Variants in MAP3K11 observed in about 807,000 individuals in gnomAD.
MAP3K11 encodes mitogen-activated protein kinase kinase kinase 11, also known as SH3 domain-containing proline-rich kinase.
In MAP3K11, 46 loss-of-function variants were observed where a neutral mutation model predicts 84.9. The observed-to-expected ratio is 0.54, with a 90% CI of 0.43 to 0.69. The LOEUF (loss-of-function observed/expected upper bound fraction) is 0.69. Ranked by LOEUF, MAP3K11 falls within the 30% of genes least tolerant of loss-of-function variation. The pLI is 0.00. For synonymous variants in MAP3K11, 527 were observed against 514.7 expected, an observed-to-expected ratio of 1.02 and a Z score of -0.32; for missense variants, 1,053 against 1,198.3, an observed-to-expected ratio of 0.88 and a Z score of 1.79.
At chr11:65,602,027 C>G (rs924585905) in intron 8 of MAP3K11, among the ~76,000 whole-genome samples, 3 of 150,764 alleles carry the variant, frequency 2.0e-5, no homozygotes, top group Non-Finnish European at 4.4e-5. Context: ...CATGGTGAAA[C>G]CCTGTCTCTA....
intron 1 of MAP3K11, 80 bp downstream of exon 1, chr11:65,612,938 C>T (rs928011549): frequency 6.8e-7 from 1 of 1,470,316 alleles, no homozygotes; most frequent in African/African-American, 1.4e-5. Context: ...GCAGTAGACC[C>T]TAAGCTAGGC....
chr11:65,607,161 G>A, intron 5 of MAP3K11, 109 bp downstream of exon 5: 1 of 1,337,894 alleles, frequency 7.5e-7, no homozygotes, highest in South Asian at 1.6e-5. Context: ...CATCTCACGG[G>A]CCCACCCACA....
intron 1 of MAP3K11, chr11:65,608,774 G>A (rs1191148735): frequency 3.8e-5 from 9 of 237,346 alleles, no homozygotes; most frequent in African/African-American, 1.6e-4. Flanking sequence ...GTGCCACCAC[G>A]CCCGACTAAT....
intron 8 of MAP3K11, among the ~76,000 whole-genome samples, chr11:65,601,543 T>A (rs1191587991): frequency 1.3e-5 from 2 of 151,596 alleles, no homozygotes; most frequent in African/African-American, 4.9e-5. Context: ...GATCACGAGG[T>A]CAGGAGATCG....
At chr11:65,601,573 G>A (rs537671689) in intron 8 of MAP3K11, among the ~76,000 whole-genome samples, 11 of 151,878 alleles carry the variant, frequency 7.2e-5, no homozygotes, top group African/African-American at 1.9e-4. Flanking sequence ...TGGCTAACAC[G>A]GTGAAACCCT....
chr11:65,607,248 C>G, intron 5 of MAP3K11, 22 bp downstream of exon 5: 1 of 1,464,888 alleles, frequency 6.8e-7, no homozygotes, highest in Non-Finnish European at 8.9e-7. Flanking sequence ...TGGCGGGGGA[C>G]GCCCCGGGGC....
intron 5 of MAP3K11, chr11:65,607,026 T>G: frequency 3.2e-6 from 2 of 628,728 alleles, no homozygotes; most frequent in Non-Finnish European, 5.1e-6. Context: ...CCCCGCCCAC[T>G]AGACCTTCCC....
chr11:65,607,507 G>T lies in MAP3K11; in HGVS notation c.1252C>A (p.Leu418Met). The change falls in exon 5 of 10, where the codon CTG (leucine) becomes ATG (methionine). Residue 418 changes from leucine (L) to methionine (M), a missense_variant. Leu to Met is a conservative substitution (Grantham distance 15). Transcript: ENST00000309100. ...DELRAKEKEL[L>M]SREEELTRAA... ...CGCGTCAGCTCCTCCTCGCGGCTCA[G>T]TAGTTCCTGCGCCCGAGACAGCGAT... 6.4e-7 allele frequency: 1 copy of T among 1,570,960 alleles called. No individual in the cohort carries two copies. Among genetic ancestry groups the T allele is most frequent in the South Asian group, 1.1e-5 (1 of 86,964 alleles).
At chr11:65,607,055 ACC>A (rs1854517439) in intron 5 of MAP3K11, 1 of 685,288 alleles carries the variant, frequency 1.5e-6, no homozygotes, top group African/African-American at 2.0e-5. Flanking sequence ...CGTGAACCCC[ACC>A]CCTTCCCACT....
chr11:65,606,921 G>GT (rs1854515242), intron 5 of MAP3K11, 117 bp from the exon 6 acceptor site: 8 of 659,662 alleles, frequency 1.2e-5, no homozygotes, highest in Non-Finnish European at 1.8e-5. Flanking sequence ...CACGATGGCT[G>GT]TGAGACTGTG....
At chr11:65,603,209 G>C (rs1854473363) in intron 8 of MAP3K11, among the ~76,000 whole-genome samples, 1 of 152,228 alleles carries the variant, frequency 6.6e-6, no homozygotes, top group South Asian at 2.1e-4. Context: ...GAGAAACTGA[G>C]GTTCTGAAGG....
At chr11:65,600,303 G>A (rs1017779123) in intron 8 of MAP3K11, among the ~76,000 whole-genome samples, 2 of 152,334 alleles carry the variant, frequency 1.3e-5, no homozygotes, top group African/African-American at 4.8e-5. Flanking sequence ...CTAGAAAGGA[G>A]GAAAATGAGG....
rs1565144637 is a variant in MAP3K11, at chr11:65,607,434, T to G, written c.1325A>C (p.Glu442Ala). ...TAGCTCCCACTGGGCCAGCAGGTGCTCGCGCCGCCGCAGCTGCTCCGCCTG... is the reference window on the plus strand; with the variant it reads ...TAGCTCCCACTGGGCCAGCAGGTGCGCGCGCCGCCGCAGCTGCTCCGCCTG... ...RSQAEQLRRR[E>A]HLLAQWELEV... Residue 442 changes from glutamate to alanine, a missense_variant, in exon 5 of 10, where the codon GAG (glutamate) becomes GCG (alanine). Glu to Ala is a moderately radical substitution (Grantham distance 107). Transcript: ENST00000309100. The G allele has an allele frequency of 2.0e-6, 3 of 1,497,576 alleles. No homozygotes were observed. Among genetic ancestry groups the G allele is most frequent in the Non-Finnish European group, 1.8e-6 (2 of 1,132,882 alleles). 92.8% of individuals were successfully genotyped at this position (1,497,576 alleles called of 1,614,324 possible). A position where few individuals can be genotyped will look rare whatever the true frequency, so the allele number is the denominator to read the frequency against.
chr11:65,605,567 C>T, intron 8 of MAP3K11, 194 bp downstream of exon 8: 1 of 530,316 alleles, frequency 1.9e-6, no homozygotes, highest in Non-Finnish European at 3.3e-6. Flanking sequence ...CTGTATGCCG[C>T]TTGATCGTGG....
At position 65,599,411 on chromosome 11, in the gene MAP3K11, C is replaced by T. The variant is rs35487354; in HGVS notation, c.2189G>A (p.Arg730His). The T allele has an allele frequency of 0.015, 22,403 of 1,532,796 alleles. 198 individuals are homozygous for T. Among genetic ancestry groups the T allele is most frequent in the Non-Finnish European group, 0.018 (20,160 of 1,150,592 alleles). 94.9% of individuals were successfully genotyped at this position (1,532,796 alleles called of 1,614,324 possible). A position where few individuals can be genotyped will look rare whatever the true frequency, so the allele number is the denominator to read the frequency against. ...CCACTCACCGCGGGGCTCCTCCTCA[C>T]GTCGGGGGCTCTTGGCTGACCGCTG... ...VGQRSAKSPRREEEPRGGTVS... is the reference protein window; with the variant it reads ...VGQRSAKSPRHEEEPRGGTVS... The change falls in exon 9 of 10, where the codon CGT (arginine) becomes CAT (histidine). Residue 730 changes from arginine (R) to histidine (H), a missense_variant. Around this residue, in one of 3 missense-constraint regions of MAP3K11, gnomAD observed 583 missense variants for 566.6 expected, o/e 1.03. Transcript: ENST00000309100.
Position 65,598,358 on chromosome 11 carries a change from TG to T in MAP3K11, c.2476del (p.Gln826ArgfsTer121). On this transcript the variant is annotated frameshift_variant, in exon 10 of 10. Coordinates refer to ENST00000309100, the MANE Select transcript of MAP3K11 (RefSeq NM_002419.4). LOFTEE classifies it high-confidence loss of function. ...PPANPFQGGP[Q>X]DCRAQTKDMG... ...GTCTTTGGTCTGTGCCCTGCAGTCCTGGGGGCCCCCCTGGAAGGGGTTGGCA... is the reference window on the plus strand; with the variant it reads ...GTCTTTGGTCTGTGCCCTGCAGTCCTGGGGCCCCCCTGGAAGGGGTTGGCA... 2.6e-6 allele frequency: 4 copies of T among 1,539,008 alleles called. No homozygotes were observed. The highest frequency in any genetic ancestry group is 3.5e-6 in the Non-Finnish European group (4 of 1,141,032).
chr11:65,609,621 C>A (rs1854549765), intron 1 of MAP3K11: 1 of 152,282 alleles, frequency 6.6e-6, no homozygotes, highest in Admixed American at 6.5e-5. Flanking sequence ...AAGGGCCCCT[C>A]TACTTTTCAG....
rs1469049424 is a variant in MAP3K11 at position 65,608,322 on chromosome 11, A to G, written c.866T>C (p.Met289Thr). 5.6e-6 allele frequency: 9 copies of G among 1,614,210 alleles called. No individual in the cohort carries two copies. Among genetic ancestry groups the G allele is most frequent in the Non-Finnish European group, 4.2e-6 (5 of 1,180,030 alleles). Residue 289 changes from methionine (M) to threonine (T), a missense_variant, in exon 2 of 10, where the codon ATG becomes ACG. Physicochemically the swap from Met to Thr is moderately conservative, Grantham distance 81. Around this residue, in one of 3 missense-constraint regions of MAP3K11, gnomAD observed 310 missense variants for 464.5 expected, o/e 0.67. Coordinates refer to ENST00000309100, the MANE Select transcript of MAP3K11 (RefSeq NM_002419.4). Reference protein sequence around the residue: ...QMSAAGTYAWMAPEVIKASTF... With the variant: ...QMSAAGTYAWTAPEVIKASTF... Reference sequence around the variant, plus strand: ...GGAGGCCTTGATAACCTCAGGAGCCATCCAGGCGTAGGTGCCCGCGGCACT... The same window carrying G: ...GGAGGCCTTGATAACCTCAGGAGCCGTCCAGGCGTAGGTGCCCGCGGCACT...
chr11:65,613,920 G>GC lies in MAP3K11; in HGVS notation c.-165dup. 3 of 837,098 alleles carry GC rather than the reference G, an allele frequency of 3.6e-6. No homozygotes were observed. Among genetic ancestry groups the GC allele is most frequent in the Non-Finnish European group, 5.3e-6 (3 of 562,912 alleles). The allele number at this position is 837,098 out of a possible 1,614,324, so 51.9% of individuals were successfully genotyped here. On this transcript the variant is annotated 5_prime_UTR_variant, in exon 1 of 10. An upstream open reading frame in the 5' UTR loses its in-frame stop. Transcript: ENST00000309100. The stretch of plus-strand genomic sequence containing the variant: ...GGGGAGCCAGGAGTGTTGTCTCCCG[G>GC]CCCCCCGCATCTCGGGCTTCTGGAG...
Sources: allele counts gnomAD v4.1 joint callset (sites outside exome capture counted in the v4.1 genomes callset), GRCh38; gene constraint gnomAD v4.1.1; regional missense constraint gnomAD v4.1.1; transcripts MANE v1.5; gene names NCBI Gene and HGNC (gene_info 2026-07-23, HGNC 2026-07-21).